Variants in PPP4R4 observed in about 807,000 individuals in gnomAD.
The protein encoded by PPP4R4 is serine/threonine-protein phosphatase 4 regulatory subunit 4.
PPP4R4 carries 70 observed loss-of-function variants against 121.8 expected under a neutral mutation model. The observed-to-expected ratio is 0.57, with a 90% CI of 0.47 to 0.70. The LOEUF (loss-of-function observed/expected upper bound fraction) is 0.70, where lower values mean the gene tolerates loss of function less well. Among genes scored for constraint, PPP4R4 ranks in the 30% least tolerant of loss-of-function variants. The pLI, the probability that PPP4R4 is intolerant of heterozygous loss-of-function variation, is 0.00. For missense variants in PPP4R4, 875 were observed against 1,033.6 expected (o/e 0.85, Z 2.10); for synonymous variants, 348 against 355.7 (o/e 0.98, Z 0.24).
intron 16 of PPP4R4, among the ~76,000 whole-genome samples, chr14:94,252,186 G>A (rs887455014): frequency 6.6e-6 from 1 of 152,116 alleles, no homozygotes; most frequent in Admixed American, 6.5e-5. Context: ...TTAGAAGGTT[G>A]AGTAGATGTT....
intron 2 of PPP4R4, among the ~76,000 whole-genome samples, chr14:94,194,965 G>C (rs1337782077): frequency 6.6e-6 from 1 of 152,080 alleles, no homozygotes. Context: ...CATTTAAGTA[G>C]ACTTACATGT....
chr14:94,221,061 G>A (rs1891363553), intron 3 of PPP4R4, among the ~76,000 whole-genome samples: 1 of 152,122 alleles, frequency 6.6e-6, no homozygotes, highest in Non-Finnish European at 1.5e-5. Context: ...ATGAGACATA[G>A]AGAAAGTTTA....
Position 94,229,520 on chromosome 14 carries a change from TAGAC to T in PPP4R4, c.295-1063_295-1060del, listed in dbSNP as rs1389256735. 4.6e-5 allele frequency among the ~76,000 whole-genome samples: 7 copies of T among 152,260 alleles called. No individual in the cohort carries two copies. The South Asian group carries it at 8.3e-4, about 18-fold the overall frequency. On this transcript the variant is annotated intron_variant, in intron 3 of 24. Transcript: ENST00000304338. ...TCCAACTAGATATCCAAAGGTAACA[TAGAC>T]AGAAGACAGTGGATATACAATAGTA...
intron 2 of PPP4R4, among the ~76,000 whole-genome samples, chr14:94,205,983 C>A (rs1890436134): frequency 6.6e-6 from 1 of 151,984 alleles, no homozygotes; most frequent in South Asian, 2.1e-4. Flanking sequence ...TCTACTAAAT[C>A]TTGGTTGATG....
chr14:94,241,834 G>C lies in PPP4R4; in HGVS notation c.1023G>C (p.Lys341Asn), dbSNP rs375024841. The change falls in exon 10 of 25, where the codon AAG (lysine) becomes AAC (asparagine). Residue 341 changes from lysine to asparagine, a missense_variant. Coordinates refer to ENST00000304338, the MANE Select transcript of PPP4R4 (RefSeq NM_058237.2). ...DQHLRFLEFY[K>N]KLCTLGLQQE... ...ACTTGAGATTTTTGGAATTTTATAA[G>C]AAACTTTGTACATTGGGTTTGCAAC... The C allele has an allele frequency of 1.3e-5, 20 of 1,599,380 alleles. No homozygotes were observed. The highest frequency in any genetic ancestry group is 1.7e-5 in the Non-Finnish European group (20 of 1,175,894).
At position 94,265,396 on chromosome 14, in the gene PPP4R4, C is replaced by T. The variant is rs1266854383; in HGVS notation, c.2207C>T (p.Thr736Ile). Reference protein sequence around the residue: ...DKMFEKKRRDTKTPTQSLPKN... With the variant: ...DKMFEKKRRDIKTPTQSLPKN... The stretch of plus-strand genomic sequence containing the variant: ...GCAGAATTTATTTTAGGTAGAGACA[C>T]TAAGACACCAACGCAAAGTCTGCCC... Residue 736 changes from threonine to isoleucine, a missense_variant, in exon 21 of 25, where the codon ACT (threonine) becomes ATT (isoleucine). Physicochemically the swap from Thr to Ile is moderately conservative, Grantham distance 89. Transcript: ENST00000304338. 1 of 1,610,372 alleles carries T rather than the reference C, an allele frequency of 6.2e-7. No homozygotes were observed. The highest frequency in any genetic ancestry group is 1.1e-5 in the South Asian group (1 of 90,956).
chr14:94,210,302 A>G (rs560331306), intron 3 of PPP4R4, among the ~76,000 whole-genome samples: 104 of 151,980 alleles, frequency 6.8e-4, no homozygotes, highest in Admixed American at 9.8e-4. Flanking sequence ...TAACATATTT[A>G]TACAAAGAAT....
chr14:94,200,449 G>A (rs549647494), intron 2 of PPP4R4, among the ~76,000 whole-genome samples: 9 of 152,172 alleles, frequency 5.9e-5, no homozygotes, highest in Non-Finnish European at 1.2e-4. Context: ...ATTCAGCTGT[G>A]AATCTGTCTA....
At chr14:94,263,647 A>G (rs1326587981) in intron 19 of PPP4R4, among the ~76,000 whole-genome samples, 1 of 152,188 alleles carries the variant, frequency 6.6e-6, no homozygotes, top group East Asian at 1.9e-4. Flanking sequence ...CAGACAATAG[A>G]AAGAGAACCG....
chr14:94,186,306 C>T (rs942097218), intron 2 of PPP4R4, among the ~76,000 whole-genome samples: 3 of 152,144 alleles, frequency 2.0e-5, no homozygotes, highest in Non-Finnish European at 2.9e-5. Flanking sequence ...ATGTGCTTTC[C>T]GTTACTATAA....
intron 24 of PPP4R4, among the ~76,000 whole-genome samples, chr14:94,276,024 C>T (rs1266359297): frequency 6.6e-6 from 1 of 151,900 alleles, no homozygotes; most frequent in African/African-American, 2.4e-5. Context: ...TCCTTTTCCC[C>T]CATGATTCCT....
chr14:94,244,651 A>T lies in PPP4R4; in HGVS notation c.1283A>T (p.Asn428Ile). The T allele has an allele frequency of 6.7e-7, 1 of 1,500,262 alleles. No homozygotes were observed. The highest frequency in any genetic ancestry group is 9.1e-7 in the Non-Finnish European group (1 of 1,104,272). The allele number at this position is 1,500,262 out of a possible 1,614,324, so 92.9% of individuals were successfully genotyped here. A position where few individuals can be genotyped will look rare whatever the true frequency, so the allele number is the denominator to read the frequency against. Reference protein sequence around the residue: ...ICFYEVSKLLNSGVYLIHKEL... With the variant: ...ICFYEVSKLLISGVYLIHKEL... ...ATATTTTAGGTATCTAAGCTTCTGA[A>T]TTCTGGAGTATATTTAATACATAAA... Residue 428 changes from asparagine to isoleucine, a missense_variant, in exon 12 of 25, where the codon AAT (asparagine) becomes ATT (isoleucine). Coordinates refer to ENST00000304338, the MANE Select transcript of PPP4R4 (RefSeq NM_058237.2).
Position 94,183,464 on chromosome 14 carries a change from G to C in PPP4R4, c.191+7337G>C, listed in dbSNP as rs187189387. ...ATTACTGAAGTCTTTGGCAAACCTT[G>C]AATTCCCTGTTTTGGAAAAGTACGA... On this transcript the variant is annotated intron_variant, in intron 2 of 24. Coordinates refer to ENST00000304338, the MANE Select transcript of PPP4R4 (RefSeq NM_058237.2). Among the ~76,000 whole-genome samples, 9 of 152,270 alleles carry C rather than the reference G, an allele frequency of 5.9e-5. No individual in the cohort carries two copies. The East Asian group carries it at 9.7e-4, about 16-fold the overall frequency.
chr14:94,251,794 A>T lies in PPP4R4; in HGVS notation c.1763A>T (p.Asp588Val), dbSNP rs771632226. 2 of 1,584,492 alleles carry T rather than the reference A, an allele frequency of 1.3e-6. No individual in the cohort carries two copies. The highest frequency in any genetic ancestry group is 1.7e-6 in the Non-Finnish European group (2 of 1,166,718). ...TACTGGAATAGACTTCGATTTTTGGATACCTGTGAATTTATTATAGAGATA... is the reference window on the plus strand; with the variant it reads ...TACTGGAATAGACTTCGATTTTTGGTTACCTGTGAATTTATTATAGAGATA... ...KSYWNRLRFL[D>V]TCEFIIEIFS... The change falls in exon 16 of 25, where the codon GAT becomes GTT. Residue 588 changes from aspartate (D) to valine (V), a missense_variant. Coordinates refer to ENST00000304338, the MANE Select transcript of PPP4R4 (RefSeq NM_058237.2).
chr14:94,214,837 T>C (rs10134125), intron 3 of PPP4R4, among the ~76,000 whole-genome samples: 82,623 of 152,032 alleles, frequency 0.54, 25,036 homozygotes, highest in African/African-American at 0.82. Context: ...AAGTAGAAAA[T>C]TCCCCATCTG....
At chr14:94,259,138 G>A (rs990466170) in intron 18 of PPP4R4, among the ~76,000 whole-genome samples, 157 bp from the exon 19 acceptor site, 4 of 152,060 alleles carry the variant, frequency 2.6e-5, no homozygotes, top group South Asian at 2.1e-4. Flanking sequence ...TCTCCCACCC[G>A]GTCCCTCCCA....
At chr14:94,204,322 C>A (rs544808516) in intron 2 of PPP4R4, among the ~76,000 whole-genome samples, 6 of 151,494 alleles carry the variant, frequency 4.0e-5, no homozygotes, top group Admixed American at 3.3e-4. Context: ...GCTTCAGTGC[C>A]GTTTGATGAA....
chr14:94,209,766 C>T (rs1164885348), intron 3 of PPP4R4, among the ~76,000 whole-genome samples: 3 of 152,046 alleles, frequency 2.0e-5, no homozygotes, highest in African/African-American at 7.2e-5. Flanking sequence ...GTATTTAGGT[C>T]CTCTTGGCTA....
At chr14:94,198,882 T>C (rs1356815226) in intron 2 of PPP4R4, among the ~76,000 whole-genome samples, 1 of 152,264 alleles carries the variant, frequency 6.6e-6, no homozygotes, top group Non-Finnish European at 1.5e-5. Context: ...ATTGATCATA[T>C]GCCAGTATTG....
Sources: allele counts gnomAD v4.1 joint callset (sites outside exome capture counted in the v4.1 genomes callset), GRCh38; gene constraint gnomAD v4.1.1; transcripts MANE v1.5; gene names NCBI Gene and HGNC (gene_info 2026-07-23, HGNC 2026-07-21).